FLI1: variants seen among roughly 807,000 people sequenced by gnomAD.
FLI1 encodes the protein Friend leukemia integration 1 transcription factor.
In FLI1, 13 loss-of-function variants were observed where a neutral mutation model predicts 53.1. That is an observed-to-expected ratio of 0.24 (90% CI 0.16 to 0.39). The LOEUF (loss-of-function observed/expected upper bound fraction) is 0.39, where lower values mean the gene tolerates loss of function less well. Among genes scored for constraint, FLI1 ranks in the 10% least tolerant of loss-of-function variants. The pLI is 1.00. For missense variants in FLI1, 424 were observed against 600.5 expected (o/e 0.71, Z 3.07); for synonymous variants, 244 against 236.7 (o/e 1.03, Z -0.28).
intron 1 of FLI1, among the ~76,000 whole-genome samples, chr11:128,727,542 C>T (rs1184442544): frequency 6.6e-6 from 1 of 152,146 alleles, no homozygotes; most frequent in East Asian, 1.9e-4. Flanking sequence ...GTAGTGGTTG[C>T]GGAAAGGGCT....
intron 3 of FLI1, chr11:128,768,561 C>A: frequency 2.6e-6 from 1 of 378,222 alleles, no homozygotes; most frequent in South Asian, 2.8e-5. Context: ...TGGTAGTGGA[C>A]GCTTATATTC....
intron 1 of FLI1, among the ~76,000 whole-genome samples, chr11:128,716,211 G>T (rs1363694799): frequency 6.6e-6 from 1 of 152,126 alleles, no homozygotes; most frequent in Non-Finnish European, 1.5e-5. Flanking sequence ...AAGTTGATCT[G>T]GTTTTGAGTT....
upstream of FLI1, among the ~76,000 whole-genome samples, chr11:128,685,699 T>C (rs535401155): frequency 5.6e-4 from 65 of 116,816 alleles, no homozygotes; most frequent in African/African-American, 2.3e-3. Context: ...CTCTTGTGGC[T>C]TGAGGAGCCA....
intron 1 of FLI1, among the ~76,000 whole-genome samples, chr11:128,733,167 T>G (rs1188348990): frequency 1.3e-5 from 1 of 74,614 alleles, no homozygotes; most frequent in African/African-American, 6.0e-5. Context: ...TCAAATTTGA[T>G]TGCAAGAGGT....
chr11:128,722,813 TCTC>T (rs1418661152), intron 1 of FLI1, among the ~76,000 whole-genome samples: 2 of 152,052 alleles, frequency 1.3e-5, no homozygotes, highest in African/African-American at 4.8e-5. Flanking sequence ...GTGCAGTCAT[TCTC>T]CTATCGAGCT....
chr11:128,687,697 G>A (rs955984940), intron 1 of FLI1, among the ~76,000 whole-genome samples: 2 of 152,144 alleles, frequency 1.3e-5, no homozygotes, highest in African/African-American at 2.4e-5. Context: ...AGACTCTCGG[G>A]TCCTGTCCAA....
intron 4 of FLI1, among the ~76,000 whole-genome samples, chr11:128,777,324 A>G (rs1205909716): frequency 2.3e-5 from 3 of 129,130 alleles, no homozygotes; most frequent in Non-Finnish European, 4.7e-5. Context: ...TTTGTATGTC[A>G]ATCTGGGTCT....
At chr11:128,808,006 C>T (rs1942830207) in intron 7 of FLI1, among the ~76,000 whole-genome samples, 1 of 152,146 alleles carries the variant, frequency 6.6e-6, no homozygotes, top group Admixed American at 6.5e-5. Flanking sequence ...TTGGGGTAGG[C>T]AAACATTGTT....
chr11:128,767,374 C>T (rs913611847), intron 2 of FLI1, among the ~76,000 whole-genome samples: 3 of 152,172 alleles, frequency 2.0e-5, no homozygotes, highest in Non-Finnish European at 4.4e-5. Flanking sequence ...TGCATGTGTG[C>T]TTGATAGTGA....
chr11:128,781,021 G>T (rs899386579), intron 4 of FLI1, among the ~76,000 whole-genome samples: 6 of 152,122 alleles, frequency 3.9e-5, no homozygotes, highest in Non-Finnish European at 8.8e-5. Flanking sequence ...TTTTAGGAAA[G>T]AAGGGAGAAT....
In FLI1 at chr11:128,755,914, G is replaced by A. The variant is rs376192076; in HGVS notation, c.19-2201G>A. 1.4e-4 allele frequency among the ~76,000 whole-genome samples: 22 copies of A among 152,330 alleles called. No homozygotes were observed. In the East Asian group the frequency reaches 4.2e-3, roughly 29 times the overall value. ...TTTTCCCTGATCCCAGCTGAAAACAGCCATAGAAGAGCCTCCCTTTTTGAA... is the reference window on the plus strand; with the variant it reads ...TTTTCCCTGATCCCAGCTGAAAACAACCATAGAAGAGCCTCCCTTTTTGAA... On this transcript the variant is annotated intron_variant, in intron 1 of 8. Coordinates refer to ENST00000527786, the MANE Select transcript of FLI1 (RefSeq NM_002017.5).
At chr11:128,696,959 C>T (rs1048758331) in intron 1 of FLI1, among the ~76,000 whole-genome samples, 1 of 152,124 alleles carries the variant, frequency 6.6e-6, no homozygotes, top group African/African-American at 2.4e-5. Flanking sequence ...TCTTGTTGCC[C>T]TCCTTATAAG....
intron 5 of FLI1, among the ~76,000 whole-genome samples, chr11:128,793,371 A>G (rs1942336936): frequency 6.6e-6 from 1 of 151,902 alleles, no homozygotes. Flanking sequence ...GTGTCCCTCC[A>G]TAAATTCACC....
intron 4 of FLI1, among the ~76,000 whole-genome samples, chr11:128,775,115 G>A (rs768330670): frequency 6.6e-6 from 1 of 152,228 alleles, no homozygotes; most frequent in Non-Finnish European, 1.5e-5. Flanking sequence ...GTGGAATCCA[G>A]CTTGTATACT....
intron 1 of FLI1, among the ~76,000 whole-genome samples, chr11:128,752,706 A>AT (rs1940700887): frequency 1.3e-5 from 2 of 152,244 alleles, no homozygotes; most frequent in African/African-American, 4.8e-5. Flanking sequence ...CTCATCTGAA[A>AT]AAATAGAATA....
chr11:128,763,333 G>A (rs907736671), intron 2 of FLI1, among the ~76,000 whole-genome samples: 2 of 152,160 alleles, frequency 1.3e-5, no homozygotes, highest in African/African-American at 4.8e-5. Flanking sequence ...TGTTGTGGTT[G>A]ACTCTGTTAG....
chr11:128,723,142 C>A (rs1939326055), intron 1 of FLI1, among the ~76,000 whole-genome samples: 1 of 152,160 alleles, frequency 6.6e-6, no homozygotes, highest in Non-Finnish European at 1.5e-5. Flanking sequence ...CCTGAAGATC[C>A]CACCTCCTAT....
At chr11:128,751,187 A>G (rs1940626724) in intron 1 of FLI1, among the ~76,000 whole-genome samples, 1 of 152,218 alleles carries the variant, frequency 6.6e-6, no homozygotes, top group Admixed American at 6.5e-5. Context: ...TTCAGGCTCT[A>G]TCATCACCAA....
At chr11:128,742,964 AG>A (rs1591771645) in intron 1 of FLI1, among the ~76,000 whole-genome samples, 1 of 152,136 alleles carries the variant, frequency 6.6e-6, no homozygotes, top group East Asian at 1.9e-4. Context: ...CAGTTTCCCA[AG>A]AGAGAAAGGT....
Sources: gnomAD v4.1 joint callset for allele counts (sites outside exome capture counted in the v4.1 genomes callset) on GRCh38, gnomAD v4.1.1 for gene constraint, MANE v1.5 for transcripts, NCBI Gene and HGNC (gene_info 2026-07-23, HGNC 2026-07-21) for gene names.